The following ATP6V1A variants were observed in gnomAD, a reference collection of about 807,000 sequenced individuals.
ATP6V1A encodes the protein ATPase H+ transporting V1 subunit A.
In ATP6V1A, 18 loss-of-function variants were observed where a neutral mutation model predicts 70.1. The ratio of observed to expected loss-of-function variants is 0.26; its 90% CI spans 0.18 to 0.38. The LOEUF (loss-of-function observed/expected upper bound fraction) is 0.38. Among genes scored for constraint, ATP6V1A ranks in the 10% least tolerant of loss-of-function variants. The pLI is 1.00. For synonymous variants in ATP6V1A, 232 were observed against 253.8 expected, an observed-to-expected ratio of 0.91 and a Z score of 0.82; for missense variants, 424 against 772.4, an observed-to-expected ratio of 0.55 and a Z score of 5.35.
intron 11 of ATP6V1A, among the ~76,000 whole-genome samples, chr3:113,797,990 G>T (rs1047819251): frequency 6.6e-6 from 1 of 151,992 alleles, no homozygotes; most frequent in African/African-American, 2.4e-5. Context: ...AAAATTAGCC[G>T]GGCCTGATGG....
At chr3:113,807,242 C>T (rs1013926462) in intron 14 of ATP6V1A, among the ~76,000 whole-genome samples, 21 of 149,816 alleles carry the variant, frequency 1.4e-4, no homozygotes, top group Non-Finnish European at 1.0e-4. Flanking sequence ...TACAGTGGCA[C>T]GATCCTGGCC....
Position 113,810,060 on chromosome 3 carries a change from G to C in ATP6V1A, c.*633G>C, listed in dbSNP as rs1185439580. 6.8e-6 allele frequency: 1 copy of C among 146,796 alleles called. No homozygotes were observed. Among genetic ancestry groups the C allele is most frequent in the Non-Finnish European group, 1.5e-5 (1 of 66,934 alleles). The allele number at this position is 146,796 out of a possible 1,614,324, so 9.1% of individuals were successfully genotyped here. ...TATTTTTTTTATTATTTTTTTTTTGGGGACGGAGTGTCCCTCTTGTTGCCC... is the reference window on the plus strand; with the variant it reads ...TATTTTTTTTATTATTTTTTTTTTGCGGACGGAGTGTCCCTCTTGTTGCCC... On this transcript the variant is annotated 3_prime_UTR_variant, in exon 15 of 15. Coordinates refer to ENST00000273398, the MANE Select transcript of ATP6V1A (RefSeq NM_001690.4).
At chr3:113,765,867 C>T (rs1559750897) in intron 1 of ATP6V1A, among the ~76,000 whole-genome samples, 2 of 151,738 alleles carry the variant, frequency 1.3e-5, no homozygotes, top group Non-Finnish European at 2.9e-5. Flanking sequence ...GCGGAGGTTG[C>T]AGTGAGCCGA....
intron 1 of ATP6V1A, among the ~76,000 whole-genome samples, chr3:113,768,740 C>A (rs1472541639): frequency 6.6e-6 from 1 of 151,884 alleles, no homozygotes; most frequent in African/African-American, 2.4e-5. Flanking sequence ...GAACTACAGA[C>A]GCACGTCACC....
chr3:113,798,190 CTT>C, intron 11 of ATP6V1A, 51 bp from the exon 12 acceptor site: 5 of 1,575,446 alleles, frequency 3.2e-6, no homozygotes, highest in Non-Finnish European at 4.4e-6. Context: ...TATTTTTTAA[CTT>C]TGTTTTTTGA....
rs1439497605 is a variant in ATP6V1A, at chr3:113,784,400, G to T, written c.388G>T (p.Asp130Tyr). Reference protein sequence around the residue: ...RGVNVSALSRDIKWDFTPCKN... With the variant: ...RGVNVSALSRYIKWDFTPCKN... Reference sequence around the variant, plus strand: ...AGTAAACGTGTCTGCTCTTAGCAGAGATATCAAATGGGACTTTACACCTTG... The same window carrying T: ...AGTAAACGTGTCTGCTCTTAGCAGATATATCAAATGGGACTTTACACCTTG... The change falls in exon 4 of 15, where the codon GAT becomes TAT. Residue 130 changes from aspartate (D) to tyrosine (Y), a missense_variant. Around this residue, in one of 9 missense-constraint regions of ATP6V1A, gnomAD observed 139 missense variants for 163.5 expected, o/e 0.85. Coordinates refer to ENST00000273398, the MANE Select transcript of ATP6V1A (RefSeq NM_001690.4). The T allele has an allele frequency of 6.2e-7, 1 of 1,614,092 alleles. No homozygotes were observed. The highest frequency in any genetic ancestry group is 1.3e-5 in the African/African-American group (1 of 75,050).
intron 6 of ATP6V1A, among the ~76,000 whole-genome samples, chr3:113,787,560 G>A (rs1007589147): frequency 2.0e-5 from 3 of 152,094 alleles, no homozygotes; most frequent in East Asian, 3.8e-4. Flanking sequence ...AAGTTCAAAT[G>A]ATTCAAGTAT....
intron 1 of ATP6V1A, among the ~76,000 whole-genome samples, chr3:113,773,562 A>G (rs1350655386): frequency 6.6e-6 from 1 of 152,196 alleles, no homozygotes; most frequent in Non-Finnish European, 1.5e-5. Flanking sequence ...TCCGCTAATC[A>G]TTGCTCATAC....
At chr3:113,808,447 A>G (rs1447172626) in intron 14 of ATP6V1A, among the ~76,000 whole-genome samples, 1 of 151,770 alleles carries the variant, frequency 6.6e-6, no homozygotes, top group Non-Finnish European at 1.5e-5. Flanking sequence ...GCACGCCACC[A>G]TGCCCAGCTA....
chr3:113,771,039 G>A (rs1444996615), intron 1 of ATP6V1A, among the ~76,000 whole-genome samples: 1 of 150,102 alleles, frequency 6.7e-6, no homozygotes, highest in Non-Finnish European at 1.5e-5. Context: ...AGATTGCTGC[G>A]AACCGAGATC....
intron 1 of ATP6V1A, among the ~76,000 whole-genome samples, chr3:113,770,467 C>T (rs1054464964): frequency 1.3e-5 from 2 of 151,812 alleles, no homozygotes; most frequent in Non-Finnish European, 2.9e-5. Flanking sequence ...CTCCTGAGGT[C>T]AGCAGTTCCA....
intron 8 of ATP6V1A, among the ~76,000 whole-genome samples, chr3:113,792,539 A>G (rs1029213179): frequency 7.9e-5 from 12 of 152,110 alleles, no homozygotes; most frequent in African/African-American, 2.9e-4. Flanking sequence ...GGGTCTCACT[A>G]TGTTGCCCAG....
At position 113,809,414 on chromosome 3, in the gene ATP6V1A, G is replaced by A. The variant is rs1709316353; in HGVS notation, c.1841G>A (p.Ser614Asn). The A allele has an allele frequency of 6.2e-7, 1 of 1,613,378 alleles. No individual in the cohort carries two copies. Among genetic ancestry groups the A allele is most frequent in the Non-Finnish European group, 8.5e-7 (1 of 1,179,484 alleles). Residue 614 changes from serine to asparagine, a missense_variant, in exon 15 of 15, where the codon AGC becomes AAC. By Grantham distance (46) the Ser-to-Asn change is conservative. Coordinates refer to ENST00000273398, the MANE Select transcript of ATP6V1A (RefSeq NM_001690.4). Reference sequence around the variant, plus strand: ...GAAGACATGCAGAATGCATTCCGTAGCCTTGAAGATTAGAAGCCTTGAAGA... The same window carrying A: ...GAAGACATGCAGAATGCATTCCGTAACCTTGAAGATTAGAAGCCTTGAAGA... Reference protein sequence around the residue: ...LLEDMQNAFRSLED With the variant: ...LLEDMQNAFRNLED
intron 1 of ATP6V1A, among the ~76,000 whole-genome samples, chr3:113,758,134 ACT>A (rs1708665423): frequency 6.6e-6 from 1 of 152,088 alleles, no homozygotes; most frequent in African/African-American, 2.4e-5. Flanking sequence ...ATAGAGTGAG[ACT>A]CTGTCTCAAA....
chr3:113,787,668 T>C (rs1709052075), intron 6 of ATP6V1A, among the ~76,000 whole-genome samples: 1 of 152,236 alleles, frequency 6.6e-6, no homozygotes, highest in South Asian at 2.1e-4. Flanking sequence ...TTTATTTGCA[T>C]GTGTAACTTT....
intron 1 of ATP6V1A, among the ~76,000 whole-genome samples, chr3:113,763,599 A>G (rs561840451): frequency 2.0e-5 from 3 of 152,190 alleles, no homozygotes; most frequent in African/African-American, 4.8e-5. Flanking sequence ...CTTTATTTCT[A>G]TTGAGGTTGG....
At chr3:113,808,108 C>T (rs1577098399) in intron 14 of ATP6V1A, among the ~76,000 whole-genome samples, 1 of 134,058 alleles carries the variant, frequency 7.5e-6, no homozygotes, top group Admixed American at 7.8e-5. Flanking sequence ...CCAGCCTGGA[C>T]AACAAGAGCA....
intron 1 of ATP6V1A, among the ~76,000 whole-genome samples, chr3:113,764,096 G>A (rs186249534): frequency 6.9e-4 from 105 of 152,146 alleles, no homozygotes; most frequent in African/African-American, 2.4e-3. Context: ...AAAAAGCTGG[G>A]CATGGTGGTA....
chr3:113,786,903 TGA>T (rs1042211483), intron 6 of ATP6V1A, among the ~76,000 whole-genome samples: 64 of 152,114 alleles, frequency 4.2e-4, no homozygotes, highest in African/African-American at 1.5e-3. Flanking sequence ...CTCACCCTCC[TGA>T]GTAGCTGGGA....
Sources: allele counts gnomAD v4.1 joint callset (sites outside exome capture counted in the v4.1 genomes callset), GRCh38; gene constraint gnomAD v4.1.1; regional missense constraint gnomAD v4.1.1; transcripts MANE v1.5; gene names NCBI Gene and HGNC (gene_info 2026-07-23, HGNC 2026-07-21).